The following FHAD1 variants were observed in gnomAD, a reference collection of about 807,000 sequenced individuals.
FHAD1 encodes forkhead associated phosphopeptide binding domain 1.
A neutral mutation model predicts 191.3 loss-of-function variants in FHAD1; 146 were observed. The observed-to-expected ratio is 0.76, with a 90% CI of 0.67 to 0.88. The LOEUF is 0.88. FHAD1 is among the 40% of genes least tolerant of loss of function. The pLI is 0.00. For synonymous variants in FHAD1, 616 were observed against 672.3 expected (o/e 0.92, Z 1.29); for missense variants, 1,635 against 1,785.8 (o/e 0.92, Z 1.52).
At chr1:15,365,969 C>T in intron 24 of FHAD1, 36 bp downstream of exon 24, 6 of 1,388,808 alleles carry the variant, frequency 4.3e-6, no homozygotes, top group African/African-American at 1.4e-5. Flanking sequence ...GACCTCCTGA[C>T]CCACTCGAGA....
chr1:15,321,312 A>C (rs1005891739), intron 10 of FHAD1, among the ~76,000 whole-genome samples: 1 of 152,228 alleles, frequency 6.6e-6, no homozygotes, highest in Non-Finnish European at 1.5e-5. Flanking sequence ...TTTAGTAATC[A>C]TAAGACAATA....
chr1:15,388,363 T>C lies in FHAD1; in HGVS notation c.4269+232T>C, dbSNP rs79888663. On this transcript the variant is annotated intron_variant, in intron 32 of 33. Coordinates refer to ENST00000688493, the MANE Select transcript of FHAD1 (RefSeq NM_001391957.1). The stretch of plus-strand genomic sequence containing the variant: ...CTCCCCAGGCCCTGCCCCACCTGCC[T>C]GCAGTTTGAACGGATGACCTAAGAG... The C allele has an allele frequency of 6.5e-4, 788 of 1,205,816 alleles. 16 individuals carry two copies. In the African/African-American group the frequency reaches 0.014, roughly 21 times the overall value. 74.7% of individuals were successfully genotyped at this position (1,205,816 alleles called of 1,614,324 possible).
intron 16 of FHAD1, among the ~76,000 whole-genome samples, chr1:15,342,503 G>A (rs1687150417): frequency 6.6e-6 from 1 of 152,166 alleles, no homozygotes; most frequent in Non-Finnish European, 1.5e-5. Flanking sequence ...AGGCTTAGAG[G>A]AAGGTTTTCC....
chr1:15,341,272 C>T (rs1686561926), intron 15 of FHAD1, among the ~76,000 whole-genome samples: 1 of 152,246 alleles, frequency 6.6e-6, no homozygotes, highest in Non-Finnish European at 1.5e-5. Flanking sequence ...TTGTCAACCC[C>T]TGGTCTAGTC....
chr1:15,308,717 A>G lies in FHAD1; in HGVS notation c.1020A>G (p.Arg340=), dbSNP rs1249747147. The G allele has an allele frequency of 1.4e-5, 21 of 1,551,598 alleles. No individual in the cohort carries two copies. Among genetic ancestry groups the G allele is most frequent in the Non-Finnish European group, 1.8e-5 (21 of 1,147,004 alleles). The change falls in exon 7 of 34, where the codon AGA becomes AGG. Residue 340 remains arginine (R), a synonymous_variant. Coordinates refer to ENST00000688493, the MANE Select transcript of FHAD1 (RefSeq NM_001391957.1). ...AGAATGAGGGCGAGAACTTAAAGAG[A>G]GACAACGCTATCACATCAGGTGAGC... ...SLKNEGENLK[R]DNAITSGMVS... is the part of the protein sequence containing the mutation.
chr1:15,242,664 T>G (rs1188975892), upstream of FHAD1, among the ~76,000 whole-genome samples: 1 of 152,054 alleles, frequency 6.6e-6, no homozygotes, highest in Non-Finnish European at 1.5e-5. Context: ...TATAGAAAGG[T>G]CTCAGAGCAG....
chr1:15,272,364 C>T lies in FHAD1; in HGVS notation c.135C>T (p.Asn45=), dbSNP rs369555756. The change falls in exon 3 of 34, where the codon AAC becomes AAT. Residue 45 remains asparagine (N), a synonymous_variant. Transcript: ENST00000688493. ...ACCACCATGCACTCATTGAATATAA[C>T]GAGGCGGAGTGCAGCTTTGTTCTCC... is the stretch of plus-strand genomic sequence containing the variant. ...IDNHHALIEY[N]EAECSFVLQD... 3.9e-6 allele frequency: 6 copies of T among 1,551,584 alleles called. No individual in the cohort carries two copies. The Middle Eastern group carries it at 5.0e-4, about 129-fold the overall frequency.
chr1:15,274,979 T>TG (rs1657695294), intron 3 of FHAD1, among the ~76,000 whole-genome samples: 1 of 151,984 alleles, frequency 6.6e-6, no homozygotes, highest in Admixed American at 6.5e-5. Context: ...TTTTTTTTTT[T>TG]TGAGACGGAG....
rs1282150948 is a variant in FHAD1, at chr1:15,316,398, G to GTTAAAC, written c.1196_1197insCTTAAA (p.Leu398_Lys399insAsnLeu). The GTTAAAC allele has an allele frequency of 1.9e-6, 3 of 1,551,716 alleles. No homozygotes were observed. The East Asian group carries it at 7.3e-5, about 38-fold the overall frequency. ...CACAGTGCTCGGTGCTAAAGGAAGA[G>GTTAAAC]TTAAAACAGGAAGATGCTCACAGGG... On this transcript the variant is annotated inframe_insertion, in exon 9 of 34. Coordinates refer to ENST00000688493, the MANE Select transcript of FHAD1 (RefSeq NM_001391957.1). This position sits in a 1 kb window ranked among gnomAD's most constrained non-coding sequence, Gnocchi z 4.3.
At chr1:15,396,152 GTAAAA>G (rs1002500420) in intron 33 of FHAD1, among the ~76,000 whole-genome samples, 2 of 151,784 alleles carry the variant, frequency 1.3e-5, no homozygotes, top group East Asian at 1.9e-4. Flanking sequence ...TCTACAAAAA[GTAAAA>G]TAAAATAAAA....
intron 1 of FHAD1, among the ~76,000 whole-genome samples, chr1:15,250,006 A>T (rs1646578911): frequency 6.6e-6 from 1 of 152,222 alleles, no homozygotes; most frequent in Admixed American, 6.5e-5. Flanking sequence ...AAAAGAGTAT[A>T]TTCAAGGAAA....
At chr1:15,238,099 T>C (rs1287156159) in intron 1 of FHAD1, among the ~76,000 whole-genome samples, 2 of 151,434 alleles carry the variant, frequency 1.3e-5, no homozygotes, top group Non-Finnish European at 2.9e-5. Flanking sequence ...ATATAAAAAT[T>C]AGACAGGCAT....
chr1:15,345,001 A>T, intron 16 of FHAD1, 82 bp from the exon 17 acceptor site: 1 of 1,025,634 alleles, frequency 9.8e-7, no homozygotes, highest in Non-Finnish European at 1.5e-6. Flanking sequence ...AGGAGTGAAG[A>T]GGTAGCACAT....
At chr1:15,366,284 CAAAAAA>C (rs35252287) in intron 24 of FHAD1, among the ~76,000 whole-genome samples, 4 of 44,446 alleles carry the variant, frequency 9.0e-5, no homozygotes, top group Non-Finnish European at 1.2e-4. Flanking sequence ...GACTCTGTCT[CAAAAAA>C]AAAAAAAAAA....
At position 15,329,702 on chromosome 1, in the gene FHAD1, A is replaced by AT; in HGVS notation, c.1906+163dup. 1.8e-6 allele frequency: 1 copy of AT among 557,202 alleles called. No homozygotes were observed. Among genetic ancestry groups the AT allele is most frequent in the Non-Finnish European group, 3.1e-6 (1 of 322,938 alleles). 34.5% of individuals were successfully genotyped at this position (557,202 alleles called of 1,614,324 possible). On this transcript the variant is annotated intron_variant, in intron 14 of 33. Coordinates refer to ENST00000688493, the MANE Select transcript of FHAD1 (RefSeq NM_001391957.1). This position sits in a 1 kb window ranked among gnomAD's most constrained non-coding sequence, Gnocchi z 5.0. The stretch of plus-strand genomic sequence containing the variant: ...TTCTCTGCTTGAGGCGTAATTTTCC[A>AT]TTAAAAAAAAAAACACACACATACA...
At chr1:15,313,227 GAA>G in intron 8 of FHAD1, 40 bp downstream of exon 8, 3 of 1,500,916 alleles carry the variant, frequency 2.0e-6, no homozygotes, top group South Asian at 2.4e-5. Context: ...GCCATCCGGT[GAA>G]AAGCAGCTAA....
chr1:15,273,913 G>A (rs1657206437), intron 3 of FHAD1, among the ~76,000 whole-genome samples: 1 of 151,936 alleles, frequency 6.6e-6, no homozygotes, highest in South Asian at 2.1e-4. Context: ...TCTCACCCTA[G>A]CCTCTAACGA....
At chr1:15,293,103 G>A (rs567191288) in intron 4 of FHAD1, among the ~76,000 whole-genome samples, 1 of 152,274 alleles carries the variant, frequency 6.6e-6, no homozygotes, top group East Asian at 1.9e-4. Context: ...GGTCATCTTG[G>A]AGACTGGCTG....
At chr1:15,356,757 G>A (rs1012620466) in intron 20 of FHAD1, among the ~76,000 whole-genome samples, 6 of 151,704 alleles carry the variant, frequency 4.0e-5, no homozygotes, top group Non-Finnish European at 8.8e-5. Context: ...CTGTAATCCC[G>A]GCTACTCAGG....
Sources: gnomAD v4.1 joint callset for allele counts (sites outside exome capture counted in the v4.1 genomes callset) on GRCh38, gnomAD v4.1.1 for gene constraint, Gnocchi (gnomAD v3.1) non-coding constraint, MANE v1.5 for transcripts, NCBI Gene and HGNC (gene_info 2026-07-23, HGNC 2026-07-21) for gene names.